The following PLXNC1 variants were observed in gnomAD, a reference collection of about 807,000 sequenced individuals.
PLXNC1 encodes plexin-C1.
PLXNC1 carries 75 observed loss-of-function variants against 178.2 expected under a neutral mutation model. The ratio of observed to expected loss-of-function variants is 0.42; its 90% CI spans 0.35 to 0.51. PLXNC1 has a LOEUF of 0.51. Ranked by LOEUF, PLXNC1 falls within the 20% of genes least tolerant of loss-of-function variation. The pLI is 0.02. For synonymous variants in PLXNC1, 790 were observed against 779.9 expected (o/e 1.01, Z -0.22); for missense variants, 1,503 against 1,984.4 (o/e 0.76, Z 4.61).
intron 28 of PLXNC1, among the ~76,000 whole-genome samples, chr12:94,303,273 T>A (rs1487960783): frequency 1.3e-5 from 2 of 152,136 alleles, no homozygotes; most frequent in African/African-American, 4.8e-5. Context: ...AGGGACAAGC[T>A]GGAAAATCTG....
intron 4 of PLXNC1, among the ~76,000 whole-genome samples, chr12:94,190,049 C>T (rs995280521): frequency 2.0e-5 from 3 of 152,080 alleles, no homozygotes; most frequent in East Asian, 3.9e-4. Context: ...GAAGAAGGAT[C>T]TTCCAGAAGA....
Position 94,306,378 on chromosome 12 carries a change from T to C in PLXNC1, c.*1093T>C, listed in dbSNP as rs1325060557. The C allele has an allele frequency of 1.3e-5, 2 of 152,236 alleles. No individual in the cohort carries two copies. Among genetic ancestry groups the C allele is most frequent in the African/African-American group, 4.8e-5 (2 of 41,466 alleles). The allele number at this position is 152,236 out of a possible 1,614,324, so 9.4% of individuals were successfully genotyped here. ...ACTATGTACTTTTTGAAAGTATTCCTCGCAGGAGAAAGAATTTAAAATACC... is the reference window on the plus strand; with the variant it reads ...ACTATGTACTTTTTGAAAGTATTCCCCGCAGGAGAAAGAATTTAAAATACC... On this transcript the variant is annotated 3_prime_UTR_variant, in exon 31 of 31. Coordinates refer to ENST00000258526, the MANE Select transcript of PLXNC1 (RefSeq NM_005761.3).
intron 10 of PLXNC1, among the ~76,000 whole-genome samples, chr12:94,239,924 CT>C (rs1964338118): frequency 6.6e-6 from 1 of 152,094 alleles, no homozygotes; most frequent in Admixed American, 6.6e-5. Context: ...TTTTCTTAAG[CT>C]TTTTATTATG....
rs1465820930 is a variant in PLXNC1, at chr12:94,260,880, A to G, written c.3450+40A>G. On this transcript the variant is annotated intron_variant, in intron 20 of 30. Coordinates refer to ENST00000258526, the MANE Select transcript of PLXNC1 (RefSeq NM_005761.3). This position sits in a 1 kb window ranked among gnomAD's most constrained non-coding sequence, Gnocchi z 4.4. ...CCTCAGCAATGTCAGAGGTAAGACAATAGGCAGTTATTTTTAGCGGACTCT... is the reference window on the plus strand; with the variant it reads ...CCTCAGCAATGTCAGAGGTAAGACAGTAGGCAGTTATTTTTAGCGGACTCT... The G allele has an allele frequency of 1.3e-6, 2 of 1,564,904 alleles. No homozygotes were observed. The highest frequency in any genetic ancestry group is 1.4e-5 in the African/African-American group (1 of 73,978).
chr12:94,163,228 G>A (rs1961456413), intron 1 of PLXNC1, among the ~76,000 whole-genome samples: 1 of 152,070 alleles, frequency 6.6e-6, no homozygotes, highest in African/African-American at 2.4e-5. Context: ...GCCAGGCATG[G>A]TGGCAGGCAC....
intron 21 of PLXNC1, among the ~76,000 whole-genome samples, chr12:94,266,385 A>G (rs1808958579): frequency 6.6e-6 from 1 of 152,182 alleles, no homozygotes. Context: ...AATTGTATCA[A>G]TACACCCATC....
chr12:94,240,267 A>G (rs1964352411), intron 10 of PLXNC1, among the ~76,000 whole-genome samples: 1 of 152,200 alleles, frequency 6.6e-6, no homozygotes, highest in Non-Finnish European at 1.5e-5. Flanking sequence ...AGGGCAATGC[A>G]AATAAGAAAG....
intron 20 of PLXNC1, chr12:94,262,769 T>A (rs1965033190): frequency 1.0e-6 from 1 of 985,320 alleles, no homozygotes; most frequent in African/African-American, 1.7e-5. Flanking sequence ...GCCAGGTAAC[T>A]TTCCCTTCCA....
At chr12:94,277,146 G>T (rs1335789178) in intron 21 of PLXNC1, 1 of 152,192 alleles carries the variant, frequency 6.6e-6, no homozygotes. Context: ...ATCAAGAGTT[G>T]GTGTCCTGTG....
Position 94,224,217 on chromosome 12 carries a change from CT to C in PLXNC1, c.1703-9del. Reference sequence around the variant, plus strand: ...TCCACCGTAAATGACATTTTCCCCCCTTCCCTCCAGATGTTTCAGTTGTCAA... The same window carrying C: ...TCCACCGTAAATGACATTTTCCCCCCTCCCTCCAGATGTTTCAGTTGTCAA... On this transcript the variant is annotated splice_polypyrimidine_tract_variant and intron_variant, in intron 6 of 30. Coordinates refer to ENST00000258526, the MANE Select transcript of PLXNC1 (RefSeq NM_005761.3). 6.6e-7 allele frequency: 1 copy of C among 1,526,504 alleles called. No individual in the cohort carries two copies. Among genetic ancestry groups the C allele is most frequent in the Non-Finnish European group, 9.1e-7 (1 of 1,100,036 alleles). 94.6% of individuals were successfully genotyped at this position (1,526,504 alleles called of 1,614,324 possible). A position where few individuals can be genotyped will look rare whatever the true frequency, so the allele number is the denominator to read the frequency against.
intron 3 of PLXNC1, among the ~76,000 whole-genome samples, chr12:94,184,158 C>T (rs1286390922): frequency 6.6e-6 from 1 of 151,780 alleles, no homozygotes; most frequent in South Asian, 2.1e-4. Context: ...GCTCTGTCAC[C>T]CAGCCTGGAG....
rs190216324 is a variant in PLXNC1, at chr12:94,243,004, C to G, written c.2301-934C>G. Reference sequence around the variant, plus strand: ...CTGAGCCTGTGTGTCTTGGCTGCTCCTTGGTCACTGTGCCTTGAGCAAGAA... The same window carrying G: ...CTGAGCCTGTGTGTCTTGGCTGCTCGTTGGTCACTGTGCCTTGAGCAAGAA... On this transcript the variant is annotated intron_variant, in intron 11 of 30. Transcript: ENST00000258526. 4.3e-3 allele frequency among the ~76,000 whole-genome samples: 657 copies of G among 152,360 alleles called. 1 individual carries two copies. The highest frequency in any genetic ancestry group is 7.7e-3 in the South Asian group (37 of 4,830).
At chr12:94,200,625 G>A (rs1359683443) in intron 4 of PLXNC1, among the ~76,000 whole-genome samples, 2 of 152,180 alleles carry the variant, frequency 1.3e-5, no homozygotes, top group Non-Finnish European at 2.9e-5. Context: ...TACACAGGGA[G>A]TATATGGGAG....
chr12:94,175,739 C>T (rs926751582), intron 2 of PLXNC1, among the ~76,000 whole-genome samples: 2 of 151,812 alleles, frequency 1.3e-5, no homozygotes, highest in Admixed American at 6.6e-5. Context: ...TAAATATCTA[C>T]TGGGCACCTT....
intron 28 of PLXNC1, 59 bp from the exon 29 acceptor site, chr12:94,303,697 T>C: frequency 1.0e-6 from 1 of 995,642 alleles, no homozygotes; most frequent in Non-Finnish European, 1.3e-6. Flanking sequence ...CTCCATCTTT[T>C]TTTTTTTTTT....
chr12:94,272,553 C>A (rs981127817), intron 21 of PLXNC1, among the ~76,000 whole-genome samples: 1 of 152,210 alleles, frequency 6.6e-6, no homozygotes, highest in Non-Finnish European at 1.5e-5. Context: ...CCTGGCCCTG[C>A]CATCCTAGTC....
intron 15 of PLXNC1, among the ~76,000 whole-genome samples, chr12:94,253,707 C>G (rs921350186): frequency 1.3e-4 from 19 of 151,280 alleles, no homozygotes; most frequent in African/African-American, 4.6e-4. Flanking sequence ...AAGGGTCTCA[C>G]TTTTTTGCCC....
At chr12:94,242,360 G>A (rs1304376465) in intron 11 of PLXNC1, among the ~76,000 whole-genome samples, 1 of 138,522 alleles carries the variant, frequency 7.2e-6, no homozygotes, top group Non-Finnish European at 1.5e-5. Context: ...CCAGGCTGGA[G>A]TGCAGTGGCG....
At chr12:94,255,125 A>G (rs1336428200) in intron 16 of PLXNC1, 68 bp from the exon 17 acceptor site, 2 of 1,250,834 alleles carry the variant, frequency 1.6e-6, no homozygotes, top group African/African-American at 1.5e-5. Flanking sequence ...TGTGTTAGAC[A>G]AAACAGCAGA....
Sources: allele counts gnomAD v4.1 joint callset (sites outside exome capture counted in the v4.1 genomes callset), GRCh38; gene constraint gnomAD v4.1.1; non-coding constraint Gnocchi (gnomAD v3.1); transcripts MANE v1.5; gene names NCBI Gene and HGNC (gene_info 2026-07-23, HGNC 2026-07-21).